The following SPECC1 variants were observed in gnomAD, a reference collection of about 807,000 sequenced individuals.
SPECC1 encodes cytospin-B.
Under a neutral mutation model 104.1 loss-of-function variants are expected in SPECC1, and 62 were observed. The ratio of observed to expected loss-of-function variants is 0.60; its 90% CI spans 0.49 to 0.74. The LOEUF is 0.74. Ranked by LOEUF, SPECC1 falls within the 30% of genes least tolerant of loss-of-function variation. The probability of loss-of-function intolerance (pLI) is 0.00; values close to 1 mark genes in which losing one functional copy is unlikely to be tolerated. For missense variants in SPECC1, 1,306 were observed against 1,310.5 expected (o/e 1.00, Z 0.05); for synonymous variants, 513 against 501.6 (o/e 1.02, Z -0.30).
At chr17:20,248,847 T>C (rs1050873847) in intron 9 of SPECC1, among the ~76,000 whole-genome samples, 10 of 152,230 alleles carry the variant, frequency 6.6e-5, no homozygotes, top group Non-Finnish European at 1.2e-4. Context: ...TTTTACATGT[T>C]TGTGTTGTGT....
rs2040532785 is a variant in SPECC1 at position 20,275,059 on chromosome 17, ATAGGTAAGAAT to A, written c.2940+14768_2940+14778del. Among the ~76,000 whole-genome samples, 3 of 151,956 alleles carry A rather than the reference ATAGGTAAGAAT, an allele frequency of 2.0e-5. No individual in the cohort carries two copies. The South Asian group carries it at 6.2e-4, about 31-fold the overall frequency. ...ACCGGGGGATGTTTTAAGTCCAGAA[ATAGGTAAGAAT>A]TATATCAAATTCCTTTTTAGCTTTT... On this transcript the variant is annotated intron_variant, in intron 12 of 14. Coordinates refer to ENST00000395527, the MANE Select transcript of SPECC1 (RefSeq NM_001243439.2).
At chr17:20,118,763 C>T (rs1025398815) in intron 3 of SPECC1, among the ~76,000 whole-genome samples, 1 of 152,070 alleles carries the variant, frequency 6.6e-6, no homozygotes, top group Non-Finnish European at 1.5e-5. Context: ...CATTGCTATA[C>T]AAAATTAAAA....
intron 3 of SPECC1, among the ~76,000 whole-genome samples, chr17:20,154,671 G>C (rs1209594641): frequency 1.3e-5 from 2 of 152,152 alleles, no homozygotes; most frequent in Admixed American, 6.5e-5. Context: ...TTTGACCTAG[G>C]CTTTAGAAGC....
chr17:20,021,113 G>A (rs1245918460), intron 1 of SPECC1, among the ~76,000 whole-genome samples: 4 of 151,856 alleles, frequency 2.6e-5, no homozygotes, highest in Non-Finnish European at 1.5e-5. Flanking sequence ...CCTTGGAATT[G>A]GATTATCATA....
intron 1 of SPECC1, among the ~76,000 whole-genome samples, chr17:20,022,503 A>G (rs1324577749): frequency 6.6e-6 from 1 of 152,226 alleles, no homozygotes; most frequent in East Asian, 1.9e-4. Flanking sequence ...CCTTAATTCT[A>G]TAACCTGAAT....
chr17:20,059,635 C>G (rs1215700400), intron 1 of SPECC1, among the ~76,000 whole-genome samples: 1 of 152,170 alleles, frequency 6.6e-6, no homozygotes, highest in East Asian at 1.9e-4. Context: ...GACCCTTTTC[C>G]ACATTGTACC....
intron 1 of SPECC1, among the ~76,000 whole-genome samples, chr17:20,013,974 T>C (rs2044030389): frequency 6.6e-6 from 1 of 152,206 alleles, no homozygotes; most frequent in South Asian, 2.1e-4. Context: ...GCATTTCTGT[T>C]GAGTGTGTAT....
At chr17:20,044,425 C>T (rs973430235) in intron 1 of SPECC1, among the ~76,000 whole-genome samples, 1 of 152,150 alleles carries the variant, frequency 6.6e-6, no homozygotes, top group Non-Finnish European at 1.5e-5. Flanking sequence ...ATGTGTGTTT[C>T]TTCTTTTGCT....
At chr17:20,184,713 A>C (rs1352758402) in intron 3 of SPECC1, among the ~76,000 whole-genome samples, 1 of 152,238 alleles carries the variant, frequency 6.6e-6, no homozygotes, top group East Asian at 1.9e-4. Flanking sequence ...GAAGTTCTAC[A>C]TGAGAGTTCT....
At chr17:20,063,826 AACC>A (rs146274562) in intron 1 of SPECC1, among the ~76,000 whole-genome samples, 1 of 151,920 alleles carries the variant, frequency 6.6e-6, no homozygotes, top group Non-Finnish European at 1.5e-5. Context: ...TCAGGCTAGT[AACC>A]CTTCCCTCTG....
At chr17:20,249,662 T>TA (rs944901448) in intron 9 of SPECC1, among the ~76,000 whole-genome samples, 5 of 151,934 alleles carry the variant, frequency 3.3e-5, no homozygotes, top group Non-Finnish European at 7.4e-5. Flanking sequence ...GACTTAAAAA[T>TA]AAAATACCTG....
At chr17:20,172,164 G>T (rs987888720) in intron 3 of SPECC1, among the ~76,000 whole-genome samples, 2 of 152,206 alleles carry the variant, frequency 1.3e-5, no homozygotes, top group Non-Finnish European at 2.9e-5. Context: ...TGTGGAAGGT[G>T]TGTGGGCCTC....
chr17:20,134,047 C>T (rs1567867535), intron 3 of SPECC1, among the ~76,000 whole-genome samples: 1 of 151,380 alleles, frequency 6.6e-6, no homozygotes, highest in Non-Finnish European at 1.5e-5. Context: ...ATAAGTATTA[C>T]TTCATATAAT....
intron 3 of SPECC1, among the ~76,000 whole-genome samples, chr17:20,132,956 G>T (rs1056379185): frequency 6.6e-6 from 1 of 152,026 alleles, no homozygotes; most frequent in South Asian, 2.1e-4. Flanking sequence ...AGGCAGGATG[G>T]TCTCGATCTC....
chr17:20,140,070 G>A (rs2030575658), intron 3 of SPECC1, among the ~76,000 whole-genome samples: 1 of 152,110 alleles, frequency 6.6e-6, no homozygotes, highest in Non-Finnish European at 1.5e-5. Context: ...TGCTGCTGGT[G>A]GTTAATGCTT....
chr17:20,264,739 T>C (rs989466169), intron 12 of SPECC1, among the ~76,000 whole-genome samples: 1 of 152,012 alleles, frequency 6.6e-6, no homozygotes, highest in Non-Finnish European at 1.5e-5. Flanking sequence ...CCCAAAGTGC[T>C]GGGATTACAG....
chr17:20,060,319 G>A (rs936420325), intron 1 of SPECC1, among the ~76,000 whole-genome samples: 6 of 152,094 alleles, frequency 3.9e-5, no homozygotes, highest in African/African-American at 1.4e-4. Context: ...AAGCTTATGC[G>A]GTTTCTACAA....
At chr17:20,099,793 A>G (rs2047854003) in intron 2 of SPECC1, among the ~76,000 whole-genome samples, 1 of 151,776 alleles carries the variant, frequency 6.6e-6, no homozygotes, top group Admixed American at 6.6e-5. Context: ...GAGATGCTGG[A>G]CACTTCTCCC....
At chr17:20,202,225 G>A (rs191050765) in intron 3 of SPECC1, among the ~76,000 whole-genome samples, 13 of 151,996 alleles carry the variant, frequency 8.6e-5, no homozygotes, top group Non-Finnish European at 1.5e-4. Flanking sequence ...GTTGCAGTGC[G>A]CTCAAGCATT....
Sources: allele counts gnomAD v4.1 joint callset (sites outside exome capture counted in the v4.1 genomes callset), GRCh38; gene constraint gnomAD v4.1.1; transcripts MANE v1.5; gene names NCBI Gene and HGNC (gene_info 2026-07-23, HGNC 2026-07-21).